The following RAB2B variants were observed in gnomAD, a reference collection of about 807,000 sequenced individuals.
RAB2B encodes the protein RAB2B, member RAS oncogene family.
Under a neutral mutation model 29.8 loss-of-function variants are expected in RAB2B, and 20 were observed. The ratio of observed to expected loss-of-function variants is 0.67; its 90% CI spans 0.47 to 0.97. The LOEUF (loss-of-function observed/expected upper bound fraction) is 0.97. Ranked by LOEUF, RAB2B falls within the 50% of genes least tolerant of loss-of-function variation. The pLI is 0.00. For synonymous variants in RAB2B, 93 were observed against 91.7 expected (o/e 1.01, Z -0.08); for missense variants, 218 against 272.0 (o/e 0.80, Z 1.40).
At chr14:21,462,477 G>A (rs1009711787) in intron 6 of RAB2B, 59 bp from the exon 7 acceptor site, 2 of 1,393,086 alleles carry the variant, frequency 1.4e-6, no homozygotes, top group Non-Finnish European at 2.0e-6. Context: ...ATGAGGGAAA[G>A]AGAATATTAA....
intron 3 of RAB2B, among the ~76,000 whole-genome samples, chr14:21,469,005 T>C (rs1000616826): frequency 1.1e-4 from 16 of 150,258 alleles, no homozygotes; most frequent in African/African-American, 3.7e-4. Flanking sequence ...ATCAGATTAG[T>C]GGATGTTTAG....
chr14:21,476,442 G>A, intron 2 of RAB2B, 86 bp downstream of exon 2: 2 of 1,519,970 alleles, frequency 1.3e-6, no homozygotes, highest in Non-Finnish European at 1.8e-6. Flanking sequence ...TTTTTACTTC[G>A]AACACTGAAG....
chr14:21,465,769 C>CTGGTT (rs1890671506), intron 5 of RAB2B, among the ~76,000 whole-genome samples: 1 of 152,196 alleles, frequency 6.6e-6, no homozygotes, highest in Admixed American at 6.5e-5. Flanking sequence ...GCTATAAAAT[C>CTGGTT]TGGTCCCTAC....
intron 2 of RAB2B, 58 bp from the exon 3 acceptor site, chr14:21,474,992 T>C (rs752317051): frequency 2.8e-6 from 4 of 1,426,812 alleles, no homozygotes; most frequent in African/African-American, 2.8e-5. Context: ...CCACGTGGAG[T>C]GGGAGGTTCC....
chr14:21,467,081 A>G (rs1890703691), intron 5 of RAB2B, among the ~76,000 whole-genome samples: 1 of 150,588 alleles, frequency 6.6e-6, no homozygotes, highest in Non-Finnish European at 1.5e-5. Flanking sequence ...TACTTTTTGT[A>G]TTTTTTCAGT....
intron 2 of RAB2B, 49 bp from the exon 3 acceptor site, chr14:21,474,983 C>T (rs374027884): frequency 1.3e-6 from 2 of 1,498,774 alleles, no homozygotes; most frequent in Non-Finnish European, 1.9e-6. Context: ...GAACAGCAGC[C>T]ACGTGGAGTG....
At chr14:21,466,802 T>C (rs1380548493) in intron 5 of RAB2B, among the ~76,000 whole-genome samples, 1 of 152,120 alleles carries the variant, frequency 6.6e-6, no homozygotes, top group Non-Finnish European at 1.5e-5. Flanking sequence ...AAATGGGAAA[T>C]GAGAGTAGCA....
chr14:21,476,784 G>C, intron 1 of RAB2B, 43 bp downstream of exon 1: 1 of 1,601,830 alleles, frequency 6.2e-7, no homozygotes. Flanking sequence ...TGGGAGCTTC[G>C]AATGCCCGCC....
chr14:21,476,880 C>A lies in RAB2B; in HGVS notation c.-8G>T, dbSNP rs766522476. ...GAGATAAGCATAAGTCATGGTGTCG[C>A]GTCCTCTGGGTTCCGGGTCCGCCCG... On this transcript the variant is annotated 5_prime_UTR_variant, in exon 1 of 8. Coordinates refer to ENST00000397762, the MANE Select transcript of RAB2B (RefSeq NM_032846.4). 7.4e-6 allele frequency: 12 copies of A among 1,613,206 alleles called. No individual in the cohort carries two copies. The highest frequency in any genetic ancestry group is 1.0e-5 in the Non-Finnish European group (12 of 1,180,020).
intron 5 of RAB2B, among the ~76,000 whole-genome samples, chr14:21,465,699 A>G (rs1333634349): frequency 6.6e-6 from 1 of 152,098 alleles, no homozygotes; most frequent in African/African-American, 2.4e-5. Flanking sequence ...CCCATCTCCC[A>G]AGCTTCAATT....
intron 2 of RAB2B, chr14:21,476,242 C>A: frequency 2.8e-6 from 1 of 360,860 alleles, no homozygotes; most frequent in Non-Finnish European, 5.1e-6. Flanking sequence ...AGCAGTTATG[C>A]TTTCGTGGGA....
intron 7 of RAB2B, among the ~76,000 whole-genome samples, chr14:21,461,605 C>T (rs908545905): frequency 6.6e-6 from 1 of 152,054 alleles, no homozygotes; most frequent in African/African-American, 2.4e-5. Context: ...ATGAGGTCTC[C>T]CTATGTTGCC....
At chr14:21,476,165 T>C (rs910106991) in intron 2 of RAB2B, 4 of 192,302 alleles carry the variant, frequency 2.1e-5, no homozygotes, top group Non-Finnish European at 4.3e-5. Flanking sequence ...GTCCATGTAT[T>C]GGTGTTTACT....
chr14:21,474,871 T>C lies in RAB2B; in HGVS notation c.182A>G (p.Asp61Gly). Residue 61 changes from aspartate (D) to glycine (G), a missense_variant, in exon 3 of 8, where the codon GAT (aspartate) becomes GGT (glycine). Physicochemically the swap from Asp to Gly is moderately conservative, Grantham distance 94. Coordinates refer to ENST00000397762, the MANE Select transcript of RAB2B (RefSeq NM_032846.4). ...DGKQIKLQIW[D>G]TAGQESFRSI... ...TAAATTATTTTGTACTCTCACCGTATCCCAGATTTGCAGTTTGATTTGTTT... is the reference window on the plus strand; with the variant it reads ...TAAATTATTTTGTACTCTCACCGTACCCCAGATTTGCAGTTTGATTTGTTT... The C allele has an allele frequency of 6.2e-7, 1 of 1,613,274 alleles. No individual in the cohort carries two copies. Among genetic ancestry groups the C allele is most frequent in the Non-Finnish European group, 8.5e-7 (1 of 1,179,228 alleles).
chr14:21,475,015 ATG>A (rs1430055646), intron 2 of RAB2B, 81 bp from the exon 3 acceptor site: 1 of 1,064,112 alleles, frequency 9.4e-7, no homozygotes, highest in Non-Finnish European at 1.5e-6. Flanking sequence ...CCTTTCCTCA[ATG>A]TGTTATAACC....
At chr14:21,476,442 G>C (rs151292516) in intron 2 of RAB2B, 86 bp downstream of exon 2, 24 of 1,519,970 alleles carry the variant, frequency 1.6e-5, no homozygotes, top group Middle Eastern at 1.7e-4. Context: ...TTTTTACTTC[G>C]AACACTGAAG....
At chr14:21,476,769 C>CCA in intron 1 of RAB2B, 58 bp downstream of exon 1, 1 of 1,606,440 alleles carries the variant, frequency 6.2e-7, no homozygotes, top group Non-Finnish European at 8.5e-7. Context: ...CCCCGCCACC[C>CCA]AATTTGGGAG....
intron 3 of RAB2B, among the ~76,000 whole-genome samples, chr14:21,473,905 G>A (rs377126682): frequency 3.9e-5 from 6 of 152,244 alleles, no homozygotes; most frequent in East Asian, 1.9e-4. Context: ...CCAGCTATTC[G>A]GGAGGCTGAG....
chr14:21,465,567 C>T (rs1283215265), intron 5 of RAB2B, among the ~76,000 whole-genome samples: 1 of 152,156 alleles, frequency 6.6e-6, no homozygotes, highest in Non-Finnish European at 1.5e-5. Flanking sequence ...ACTATTGCAA[C>T]TGGGATACTA....
Sources: allele counts gnomAD v4.1 joint callset (sites outside exome capture counted in the v4.1 genomes callset), GRCh38; gene constraint gnomAD v4.1.1; transcripts MANE v1.5; gene names NCBI Gene and HGNC (gene_info 2026-07-23, HGNC 2026-07-21).